RERE: variants seen among roughly 807,000 people sequenced by gnomAD.
RERE encodes arginine-glutamic acid dipeptide repeats.
RERE carries 40 observed loss-of-function variants against 146.1 expected under a neutral mutation model. That is an observed-to-expected ratio of 0.27 (90% CI 0.21 to 0.36). The LOEUF (loss-of-function observed/expected upper bound fraction) is 0.36, where lower values mean the gene tolerates loss of function less well. Among genes scored for constraint, RERE ranks in the 10% least tolerant of loss-of-function variants. The pLI is 1.00. For missense variants in RERE, 1,933 were observed against 2,138.7 expected (o/e 0.90, Z 1.90); for synonymous variants, 1,003 against 866.0 (o/e 1.16, Z -2.78).
intron 1 of RERE, among the ~76,000 whole-genome samples, chr1:8,789,458 G>A (rs1317761231): frequency 1.3e-5 from 2 of 151,312 alleles, no homozygotes; most frequent in Non-Finnish European, 2.9e-5. Context: ...GTGGCAGGAA[G>A]CAATTTTAAC....
At position 8,583,894 on chromosome 1, in the gene RERE, C is replaced by G. The variant is rs943496027; in HGVS notation, c.523-26371G>C. On this transcript the variant is annotated intron_variant, in intron 4 of 22. Transcript: ENST00000400908. ...CAAAAGCAAAGTACATTATACAAAC[C>G]TCATATAATGTTACTATTTTAAAAA... is the stretch of plus-strand genomic sequence containing the variant. Among the ~76,000 whole-genome samples the G allele has an allele frequency of 5.3e-5, 8 of 151,714 alleles. No homozygotes were observed. The East Asian group carries it at 1.5e-3, about 29-fold the overall frequency.
chr1:8,384,247 C>T (rs1350189756), intron 12 of RERE, among the ~76,000 whole-genome samples: 1 of 152,182 alleles, frequency 6.6e-6, no homozygotes, highest in East Asian at 1.9e-4. Flanking sequence ...CTGGGATGCA[C>T]GGAGGTCCAG....
At chr1:8,480,553 G>T (rs763160079) in intron 10 of RERE, among the ~76,000 whole-genome samples, 2 of 150,578 alleles carry the variant, frequency 1.3e-5, no homozygotes, top group South Asian at 4.2e-4. Flanking sequence ...CTCCTGCCTC[G>T]GTCTCTCAAG....
intron 8 of RERE, among the ~76,000 whole-genome samples, chr1:8,502,312 G>C (rs1419592128): frequency 1.3e-3 from 85 of 67,774 alleles, no homozygotes; most frequent in African/African-American, 1.7e-3. Context: ...TCTGCCTGGC[G>C]AGCCGCCCCG....
intron 1 of RERE, among the ~76,000 whole-genome samples, chr1:8,815,118 C>G (rs1290016409): frequency 6.6e-6 from 1 of 152,208 alleles, no homozygotes; most frequent in Non-Finnish European, 1.5e-5. Flanking sequence ...TCACACCAAC[C>G]TCCATCCTTG....
intron 7 of RERE, among the ~76,000 whole-genome samples, chr1:8,512,102 C>T (rs371668335): frequency 2.3e-5 from 3 of 132,046 alleles, no homozygotes; most frequent in Non-Finnish European, 4.7e-5. Flanking sequence ...GGCGCAATCT[C>T]GGCTCACTGC....
chr1:8,730,619 A>G (rs1436195134), intron 1 of RERE, among the ~76,000 whole-genome samples: 1 of 152,108 alleles, frequency 6.6e-6, no homozygotes, highest in African/African-American at 2.4e-5. Flanking sequence ...TTGGGATTAC[A>G]GGCATGAGCC....
chr1:8,424,175 C>T (rs1643972927), intron 11 of RERE: 1 of 152,202 alleles, frequency 6.6e-6, no homozygotes, highest in Admixed American at 6.5e-5. Flanking sequence ...GGCCCCGACG[C>T]CCCCCGCGGT....
At chr1:8,541,185 C>T (rs776309252) in intron 7 of RERE, 29 bp downstream of exon 7, 2 of 1,229,474 alleles carry the variant, frequency 1.6e-6, no homozygotes, top group Non-Finnish European at 2.4e-6. Context: ...AAAGAGTTCT[C>T]AATGAATGGA....
chr1:8,633,454 G>GAC lies in RERE; in HGVS notation c.326-9076_326-9075dup, dbSNP rs375248484. Among the ~76,000 whole-genome samples, 630 of 150,574 alleles carry GAC rather than the reference G, an allele frequency of 4.2e-3. 3 individuals carry two copies. Among genetic ancestry groups the GAC allele is most frequent in the South Asian group, 0.026 (126 of 4,762 alleles). The stretch of plus-strand genomic sequence containing the variant: ...ACGCACGTGCGCACGCACACACACA[G>GAC]ACACACACACACACACACACACAAA... On this transcript the variant is annotated intron_variant, in intron 2 of 22. Transcript: ENST00000400908.
chr1:8,665,460 A>C (rs1020861364), intron 1 of RERE, among the ~76,000 whole-genome samples: 3 of 152,228 alleles, frequency 2.0e-5, no homozygotes, highest in Non-Finnish European at 2.9e-5. Context: ...ACGTTGGATC[A>C]GTAAAGAGGG....
chr1:8,815,102 A>C (rs1309456910), intron 1 of RERE, among the ~76,000 whole-genome samples: 1 of 152,224 alleles, frequency 6.6e-6, no homozygotes, highest in Non-Finnish European at 1.5e-5. Context: ...TGCAACCCAC[A>C]TGTATTCACA....
intron 1 of RERE, among the ~76,000 whole-genome samples, chr1:8,704,382 A>C (rs1639518422): frequency 6.6e-6 from 1 of 152,222 alleles, no homozygotes; most frequent in African/African-American, 2.4e-5. Context: ...GTCAACCCAA[A>C]TTAGAAAGGT....
At chr1:8,690,453 G>A (rs375539735) in intron 1 of RERE, among the ~76,000 whole-genome samples, 1 of 152,012 alleles carries the variant, frequency 6.6e-6, no homozygotes, top group Admixed American at 6.6e-5. Flanking sequence ...TTCAGTCCAC[G>A]GCACTCGCCT....
At chr1:8,398,480 A>G (rs1643133780) in intron 12 of RERE, among the ~76,000 whole-genome samples, 1 of 152,216 alleles carries the variant, frequency 6.6e-6, no homozygotes. Context: ...CCAGTGTAAA[A>G]TAAGATCCTC....
chr1:8,546,657 G>A (rs1396191586), intron 6 of RERE, among the ~76,000 whole-genome samples: 3 of 151,966 alleles, frequency 2.0e-5, no homozygotes, highest in East Asian at 3.9e-4. Context: ...AGACCAGCCT[G>A]GCCAACATAG....
intron 10 of RERE, among the ~76,000 whole-genome samples, chr1:8,492,698 G>A (rs952611395): frequency 3.9e-5 from 6 of 152,078 alleles, no homozygotes; most frequent in South Asian, 2.1e-4. Flanking sequence ...CCAGGAGTCC[G>A]AGACCAGCCT....
intron 4 of RERE, among the ~76,000 whole-genome samples, chr1:8,571,056 A>G (rs1646215699): frequency 6.6e-6 from 1 of 152,234 alleles, no homozygotes; most frequent in African/African-American, 2.4e-5. Context: ...ATTTGTCTAC[A>G]TTAAAAAGGT....
intron 10 of RERE, among the ~76,000 whole-genome samples, chr1:8,486,755 T>TAAAAAAAAAAAAA (rs33956517): frequency 1.6e-5 from 2 of 122,344 alleles, no homozygotes; most frequent in Non-Finnish European, 1.7e-5. Flanking sequence ...GAGTCCATCT[T>TAAAAAAAAAAAAA]AAAAAAAAAA....
Sources: gnomAD v4.1 joint callset for allele counts (sites outside exome capture counted in the v4.1 genomes callset) on GRCh38, gnomAD v4.1.1 for gene constraint, MANE v1.5 for transcripts, NCBI Gene and HGNC (gene_info 2026-07-23, HGNC 2026-07-21) for gene names.